DAB1: variants seen among roughly 807,000 people sequenced by gnomAD.
The protein encoded by DAB1 is disabled homolog 1.
A neutral mutation model predicts 64.6 loss-of-function variants in DAB1; 15 were observed. That is an observed-to-expected ratio of 0.23 (90% CI 0.16 to 0.36). The LOEUF is 0.36. DAB1 is among the 10% of genes least tolerant of loss of function. DAB1 has a pLI of 1.00. For synonymous variants in DAB1, 235 were observed against 251.9 expected, an observed-to-expected ratio of 0.93 and a Z score of 0.64; for missense variants, 596 against 706.7, an observed-to-expected ratio of 0.84 and a Z score of 1.78.
At chr1:57,781,641 C>A (rs1650103954) in intron 6 of DAB1, among the ~76,000 whole-genome samples, 1 of 146,688 alleles carries the variant, frequency 6.8e-6, no homozygotes, top group Admixed American at 6.9e-5. Flanking sequence ...AAAATGATTC[C>A]AAAGCTTCTA....
chr1:57,927,910 T>C (rs1230226921), intron 5 of DAB1, among the ~76,000 whole-genome samples: 1 of 152,208 alleles, frequency 6.6e-6, no homozygotes, highest in Non-Finnish European at 1.5e-5. Flanking sequence ...TTGTATTTTA[T>C]CATATGTGTA....
chr1:58,323,938 A>T (rs953040655), intron 4 of DAB1, among the ~76,000 whole-genome samples: 2 of 151,930 alleles, frequency 1.3e-5, no homozygotes, highest in Non-Finnish European at 2.9e-5. Flanking sequence ...AAAAAAAAAA[A>T]AAAGACTTAG....
intron 1 of DAB1, among the ~76,000 whole-genome samples, chr1:57,415,239 C>T (rs1023226509): frequency 5.2e-5 from 6 of 114,724 alleles, no homozygotes; most frequent in African/African-American, 2.1e-4. Flanking sequence ...AAATGCCTAC[C>T]TCACACAACA....
intron 6 of DAB1, among the ~76,000 whole-genome samples, chr1:57,723,382 G>T (rs928591109): frequency 1.3e-5 from 2 of 152,152 alleles, no homozygotes; most frequent in Non-Finnish European, 2.9e-5. Context: ...GTTTATGAAT[G>T]CATGCCTGTT....
At chr1:58,265,068 G>A (rs1372569086) in intron 4 of DAB1, among the ~76,000 whole-genome samples, 2 of 152,148 alleles carry the variant, frequency 1.3e-5, no homozygotes, top group East Asian at 3.9e-4. Flanking sequence ...GTTGGGAAAG[G>A]GAAGGAGGAA....
intron 7 of DAB1, among the ~76,000 whole-genome samples, chr1:57,518,086 T>C (rs1276896085): frequency 6.6e-6 from 1 of 152,206 alleles, no homozygotes; most frequent in African/African-American, 2.4e-5. Flanking sequence ...TTGATTCCCA[T>C]GGGATCCAAA....
intron 5 of DAB1, among the ~76,000 whole-genome samples, chr1:58,047,026 C>T (rs1647285915): frequency 6.6e-6 from 1 of 152,154 alleles, no homozygotes; most frequent in Non-Finnish European, 1.5e-5. Context: ...AGGACAAGCT[C>T]CAAGATCCCT....
At chr1:57,110,854 A>T (rs1017912348) in intron 4 of DAB1, among the ~76,000 whole-genome samples, 5 of 152,240 alleles carry the variant, frequency 3.3e-5, no homozygotes, top group South Asian at 2.1e-4. Context: ...ATCTAAAGAG[A>T]TGGAGCAACT....
intron 4 of DAB1, among the ~76,000 whole-genome samples, chr1:57,121,109 G>T (rs1656599230): frequency 6.7e-6 from 1 of 150,138 alleles, no homozygotes; most frequent in Admixed American, 6.7e-5. Flanking sequence ...AGAAGAGGAA[G>T]AAGAAGAGGA....
At chr1:57,109,444 C>G (rs992646679) in intron 4 of DAB1, among the ~76,000 whole-genome samples, 1 of 152,170 alleles carries the variant, frequency 6.6e-6, no homozygotes, top group Non-Finnish European at 1.5e-5. Flanking sequence ...AAACATGGCT[C>G]TCTTCCAGAA....
intron 5 of DAB1, among the ~76,000 whole-genome samples, chr1:58,047,687 C>T (rs956894476): frequency 3.9e-5 from 6 of 152,158 alleles, no homozygotes; most frequent in African/African-American, 9.7e-5. Context: ...AAGATCTTCA[C>T]GCAATTCCAT....
At chr1:58,299,970 G>T (rs1404252882) in intron 4 of DAB1, among the ~76,000 whole-genome samples, 1 of 152,156 alleles carries the variant, frequency 6.6e-6, no homozygotes, top group African/African-American at 2.4e-5. Flanking sequence ...CAGGATAAAA[G>T]CCTTCCTGTC....
chr1:57,793,335 G>T (rs1650693252), intron 6 of DAB1, among the ~76,000 whole-genome samples: 1 of 152,140 alleles, frequency 6.6e-6, no homozygotes, highest in African/African-American at 2.4e-5. Flanking sequence ...GGATGGCTGG[G>T]GATTAAAGAG....
intron 6 of DAB1, among the ~76,000 whole-genome samples, chr1:57,781,124 CTCTATATATATATATATATATATATATA>C (rs1270645126): frequency 0.068 from 2,646 of 38,790 alleles, 35 homozygotes; most frequent in Non-Finnish European, 0.082. Context: ...CTCTCTCTCT[CTCTATATATATATATATATATATATATA>C]TATATATATA....
intron 6 of DAB1, among the ~76,000 whole-genome samples, chr1:57,743,517 C>G (rs1648103321): frequency 6.6e-6 from 1 of 152,198 alleles, no homozygotes; most frequent in African/African-American, 2.4e-5. Flanking sequence ...CCATGTTGCT[C>G]ACAGAAAGCC....
intron 1 of DAB1, among the ~76,000 whole-genome samples, chr1:57,419,504 A>C (rs560341354): frequency 6.6e-6 from 1 of 152,228 alleles, no homozygotes; most frequent in African/African-American, 2.4e-5. Context: ...AAAAAAAAAA[A>C]AAAAAAACCT....
intron 7 of DAB1, among the ~76,000 whole-genome samples, chr1:57,553,384 G>GAGAAAGAA (rs775593744): frequency 0.051 from 354 of 6,944 alleles, 14 homozygotes; most frequent in African/African-American, 0.059. Context: ...AAGGAAGAAA[G>GAGAAAGAA]AGAAAGAAAG....
At chr1:58,219,025 C>CTG (rs56151181) in intron 4 of DAB1, among the ~76,000 whole-genome samples, 4,996 of 129,296 alleles carry the variant, frequency 0.039, 163 homozygotes, top group East Asian at 0.09. Flanking sequence ...CTCTCTCTCT[C>CTG]TGTGTGTGTG....
At chr1:57,654,082 A>G (rs935263144) in intron 6 of DAB1, among the ~76,000 whole-genome samples, 5 of 152,372 alleles carry the variant, frequency 3.3e-5, no homozygotes, top group Non-Finnish European at 7.3e-5. Flanking sequence ...CTAAAATACA[A>G]TAGTGAGATA....
Sources: gnomAD v4.1 joint callset for allele counts (sites outside exome capture counted in the v4.1 genomes callset) on GRCh38, gnomAD v4.1.1 for gene constraint, MANE v1.5 for transcripts, NCBI Gene and HGNC (gene_info 2026-07-23, HGNC 2026-07-21) for gene names.